The following WWOX variants were observed in gnomAD, a reference collection of about 807,000 sequenced individuals.
The protein encoded by WWOX is WW domain containing oxidoreductase, also known as WW domain-containing oxidoreductase.
WWOX carries 69 observed loss-of-function variants against 46.2 expected under a neutral mutation model. The ratio of observed to expected loss-of-function variants is 1.49; its 90% confidence interval spans 1.23 to 1.82. The LOEUF (loss-of-function observed/expected upper bound fraction) is 1.82. WWOX is among the 40% of genes most tolerant of loss of function. The pLI is 0.00. For synonymous variants in WWOX, 359 were observed against 202.6 expected (o/e 1.77, Z -6.56); for missense variants, 919 against 542.6 (o/e 1.69, Z -6.89).
intron 8 of WWOX, among the ~76,000 whole-genome samples, chr16:79,038,097 T>C (rs1009043333): frequency 6.6e-6 from 1 of 152,118 alleles, no homozygotes; most frequent in Non-Finnish European, 1.5e-5. Context: ...AGATGAGCAG[T>C]TGGGAGAGTG....
intron 8 of WWOX, among the ~76,000 whole-genome samples, chr16:78,771,304 C>T (rs1442586911): frequency 1.3e-5 from 2 of 152,128 alleles, no homozygotes; most frequent in Admixed American, 1.3e-4. Context: ...AGGAAGCTAT[C>T]ACAGTGATCC....
At chr16:78,988,331 C>G (rs1036796421) in intron 8 of WWOX, among the ~76,000 whole-genome samples, 2 of 140,910 alleles carry the variant, frequency 1.4e-5, no homozygotes, top group Non-Finnish European at 3.1e-5. Flanking sequence ...GCAACAAGAG[C>G]AAAACTCTGT....
chr16:78,260,890 T>C (rs1679496654), intron 5 of WWOX, among the ~76,000 whole-genome samples: 1 of 132,894 alleles, frequency 7.5e-6, no homozygotes. Flanking sequence ...TGAGCCGAGA[T>C]CACACCACTG....
intron 8 of WWOX, among the ~76,000 whole-genome samples, chr16:78,907,029 A>C (rs1022829477): frequency 6.6e-6 from 1 of 152,180 alleles, no homozygotes; most frequent in African/African-American, 2.4e-5. Flanking sequence ...GGGAATTGCA[A>C]TAGGGAAAGA....
intron 8 of WWOX, chr16:78,535,740 T>G (rs1750531933): frequency 6.6e-6 from 1 of 152,232 alleles, no homozygotes; most frequent in African/African-American, 2.4e-5. Flanking sequence ...TGTTCACGAA[T>G]TCCTAGAACA....
At chr16:78,388,290 G>C (rs1597146790) in intron 6 of WWOX, among the ~76,000 whole-genome samples, 1 of 152,088 alleles carries the variant, frequency 6.6e-6, no homozygotes, top group African/African-American at 2.4e-5. Flanking sequence ...CTCAGCCTCT[G>C]AAAATGCTGG....
At chr16:79,008,656 G>A (rs8056452) in intron 8 of WWOX, among the ~76,000 whole-genome samples, 34,720 of 152,086 alleles carry the variant, frequency 0.23, 5,587 homozygotes, top group African/African-American at 0.46. Flanking sequence ...GCATGCTCCC[G>A]ACACCAGGTC....
intron 6 of WWOX, among the ~76,000 whole-genome samples, chr16:78,424,126 T>TTTTTTTTTTTG (rs2083020798): frequency 6.8e-6 from 1 of 146,228 alleles, no homozygotes; most frequent in Admixed American, 6.8e-5. Flanking sequence ...TTTTGTTTTT[T>TTTTTTTTTTTG]TTTTTTTTGG....
At chr16:78,873,041 C>T (rs1490613618) in intron 8 of WWOX, 1 of 152,314 alleles carries the variant, frequency 6.6e-6, no homozygotes, top group Non-Finnish European at 1.5e-5. Context: ...AAGCAGTCCT[C>T]CTGCTTTGGC....
chr16:78,387,111 C>T (rs1002722685), intron 6 of WWOX, among the ~76,000 whole-genome samples, 163 bp downstream of exon 6: 2 of 152,162 alleles, frequency 1.3e-5, no homozygotes, highest in Admixed American at 6.5e-5. Flanking sequence ...ATTTTCTTGA[C>T]TCACAGTCAC....
intron 8 of WWOX, among the ~76,000 whole-genome samples, chr16:78,494,008 G>T (rs1169708249): frequency 5.9e-5 from 9 of 152,168 alleles, no homozygotes; most frequent in Non-Finnish European, 5.9e-5. Context: ...TTATAAAGAA[G>T]GGAGGTTTAG....
intron 8 of WWOX, among the ~76,000 whole-genome samples, chr16:79,030,800 G>C (rs1369532634): frequency 2.0e-5 from 3 of 152,070 alleles, no homozygotes; most frequent in African/African-American, 4.8e-5. Flanking sequence ...AATCCAGGAA[G>C]GGCTGGGCAT....
intron 8 of WWOX, among the ~76,000 whole-genome samples, chr16:79,153,830 A>C (rs945258144): frequency 6.6e-6 from 1 of 152,052 alleles, no homozygotes; most frequent in African/African-American, 2.4e-5. Flanking sequence ...CATCTCTTCA[A>C]ATAAGAACAG....
chr16:78,526,829 C>G (rs1192361305), intron 8 of WWOX, among the ~76,000 whole-genome samples: 1 of 152,108 alleles, frequency 6.6e-6, no homozygotes, highest in African/African-American at 2.4e-5. Flanking sequence ...TGAGGGGGGT[C>G]TGGGAGGGAG....
intron 8 of WWOX, among the ~76,000 whole-genome samples, chr16:78,937,072 C>T (rs554092961): frequency 4.6e-5 from 7 of 152,290 alleles, no homozygotes; most frequent in African/African-American, 1.7e-4. Flanking sequence ...GTTTAAACTA[C>T]TGGAACTTCA....
At chr16:79,101,510 C>G (rs948426954) in intron 8 of WWOX, 9 of 152,098 alleles carry the variant, frequency 5.9e-5, no homozygotes, top group African/African-American at 2.2e-4. Context: ...TCCCATATCC[C>G]AGCCTAAGGG....
chr16:78,813,366 G>A (rs1205204423), intron 8 of WWOX, among the ~76,000 whole-genome samples: 1 of 151,540 alleles, frequency 6.6e-6, no homozygotes, highest in Non-Finnish European at 1.5e-5. Flanking sequence ...TGCTTTTCTT[G>A]ATACCTTTCA....
intron 5 of WWOX, among the ~76,000 whole-genome samples, chr16:78,378,043 C>T (rs143090757): frequency 6.6e-6 from 1 of 151,958 alleles, no homozygotes; most frequent in Non-Finnish European, 1.5e-5. Flanking sequence ...AAGGTTGATG[C>T]TGGATGGTTG....
chr16:78,433,829 G>A (rs796817875), intron 8 of WWOX, among the ~76,000 whole-genome samples: 41 of 121,504 alleles, frequency 3.4e-4, no homozygotes, highest in African/African-American at 1.2e-3. Context: ...TCGCTCTGTC[G>A]CCCAGGCTGG....
Sources: allele counts gnomAD v4.1 joint callset (sites outside exome capture counted in the v4.1 genomes callset), GRCh38; gene constraint gnomAD v4.1.1; transcripts MANE v1.5; gene names NCBI Gene and HGNC (gene_info 2026-07-23, HGNC 2026-07-21).